The following FRMD4A variants were observed in gnomAD, a reference collection of about 807,000 sequenced individuals.
FRMD4A encodes the protein FERM domain containing 4A.
Under a neutral mutation model 129.1 loss-of-function variants are expected in FRMD4A, and 29 were observed. That is an observed-to-expected ratio of 0.22 (90% CI 0.17 to 0.31). The LOEUF is 0.31. FRMD4A is among the 10% of genes least tolerant of loss of function. The pLI, the probability that FRMD4A is intolerant of heterozygous loss-of-function variation, is 1.00. For missense variants in FRMD4A, 1,272 were observed against 1,375.8 expected (o/e 0.92, Z 1.19); for synonymous variants, 634 against 571.6 (o/e 1.11, Z -1.56).
chr10:14,037,631 A>G (rs1175410531), intron 2 of FRMD4A, among the ~76,000 whole-genome samples: 1 of 149,434 alleles, frequency 6.7e-6, no homozygotes, highest in Admixed American at 6.8e-5. Context: ...CTAGGAGTAG[A>G]ATTGTTGGCT....
intron 2 of FRMD4A, among the ~76,000 whole-genome samples, chr10:14,000,315 A>C (rs1039075856): frequency 2.0e-5 from 3 of 152,150 alleles, no homozygotes; most frequent in African/African-American, 4.8e-5. Context: ...ATGTTAGAGC[A>C]GTTTCTAAGA....
intron 2 of FRMD4A, among the ~76,000 whole-genome samples, chr10:14,305,469 C>T (rs893941696): frequency 1.3e-5 from 2 of 152,136 alleles, no homozygotes; most frequent in Non-Finnish European, 2.9e-5. Context: ...TTGGAATCTA[C>T]AAAGTTCTCA....
chr10:14,004,397 C>A (rs976095949), intron 2 of FRMD4A, among the ~76,000 whole-genome samples: 5 of 152,124 alleles, frequency 3.3e-5, no homozygotes, highest in African/African-American at 1.2e-4. Flanking sequence ...ATAAAATTAT[C>A]CAAGTGTGGT....
intron 2 of FRMD4A, among the ~76,000 whole-genome samples, chr10:13,974,909 G>A (rs1484746227): frequency 6.6e-6 from 1 of 152,260 alleles, no homozygotes; most frequent in Non-Finnish European, 1.5e-5. Context: ...CGTGCAAGTG[G>A]CATGACTGCC....
At chr10:14,237,044 T>C (rs1053100908) in intron 2 of FRMD4A, among the ~76,000 whole-genome samples, 1 of 143,748 alleles carries the variant, frequency 7.0e-6, no homozygotes, top group African/African-American at 2.6e-5. Flanking sequence ...AACATTTTTA[T>C]AATTTTTTGA....
intron 2 of FRMD4A, among the ~76,000 whole-genome samples, chr10:13,881,991 GTGTGTGTGTGTGTGTGTGTGTGT>G (rs543188218): frequency 6.8e-6 from 1 of 146,926 alleles, no homozygotes; most frequent in Non-Finnish European, 1.5e-5. Flanking sequence ...AGAGGCAAGG[GTGTGTGTGTGTGTGTGTGTGTGT>G]GTGTGTGTGT....
At chr10:14,306,451 G>C (rs980206755) in intron 2 of FRMD4A, among the ~76,000 whole-genome samples, 14 of 152,150 alleles carry the variant, frequency 9.2e-5, no homozygotes, top group Non-Finnish European at 1.0e-4. Flanking sequence ...TTATAATACA[G>C]CAAACAGCTG....
At chr10:13,779,788 C>CA (rs33912813) in intron 6 of FRMD4A, among the ~76,000 whole-genome samples, 92,675 of 146,812 alleles carry the variant, frequency 0.63, 29,278 homozygotes, top group Non-Finnish European at 0.69. Flanking sequence ...AATTCACTCT[C>CA]AAAAAAAAAA....
intron 8 of FRMD4A, among the ~76,000 whole-genome samples, chr10:13,753,703 CT>C (rs1419523692): frequency 6.6e-6 from 1 of 151,958 alleles, no homozygotes; most frequent in Non-Finnish European, 1.5e-5. Flanking sequence ...ATCACTGCAC[CT>C]GGTTAATTTT....
chr10:13,981,546 C>A (rs1201399432), intron 2 of FRMD4A, among the ~76,000 whole-genome samples: 1 of 151,924 alleles, frequency 6.6e-6, no homozygotes, highest in Non-Finnish European at 1.5e-5. Flanking sequence ...CAAGACCAGC[C>A]TGGCCAACGT....
chr10:13,756,912 G>A (rs75312017), intron 8 of FRMD4A, among the ~76,000 whole-genome samples: 8,179 of 152,224 alleles, frequency 0.054, 313 homozygotes, highest in Non-Finnish European at 0.085. Context: ...CCTATCAGTC[G>A]ATTAAATGAG....
chr10:13,925,013 G>A (rs1237558492), intron 2 of FRMD4A, among the ~76,000 whole-genome samples: 13 of 140,408 alleles, frequency 9.3e-5, no homozygotes, highest in African/African-American at 2.1e-4. Context: ...GCAGTGAGCC[G>A]AGATTGCACC....
At chr10:14,096,765 G>A (rs529940161) in intron 2 of FRMD4A, among the ~76,000 whole-genome samples, 1 of 152,230 alleles carries the variant, frequency 6.6e-6, no homozygotes, top group African/African-American at 2.4e-5. Context: ...GCAGTGAAAT[G>A]GGAACATTAC....
intron 2 of FRMD4A, among the ~76,000 whole-genome samples, chr10:14,032,413 T>C (rs182620960): frequency 6.6e-6 from 1 of 152,338 alleles, no homozygotes; most frequent in East Asian, 1.9e-4. Context: ...GTATTGCCAT[T>C]AGTGAAGCGC....
At chr10:13,938,686 G>A (rs1043624944) in intron 2 of FRMD4A, among the ~76,000 whole-genome samples, 4 of 152,190 alleles carry the variant, frequency 2.6e-5, no homozygotes, top group African/African-American at 4.8e-5. Flanking sequence ...CCTCCACTAG[G>A]GGTGATTTTG....
intron 2 of FRMD4A, among the ~76,000 whole-genome samples, chr10:13,978,563 T>C (rs183131592): frequency 2.6e-5 from 4 of 152,132 alleles, no homozygotes; most frequent in African/African-American, 9.7e-5. Flanking sequence ...GTGGGTGATA[T>C]GCAAAACCCA....
intron 2 of FRMD4A, among the ~76,000 whole-genome samples, chr10:14,243,870 T>C (rs1346324319): frequency 6.7e-6 from 1 of 148,630 alleles, no homozygotes; most frequent in Non-Finnish European, 1.5e-5. Flanking sequence ...AGGACTGCAA[T>C]CTAATTACAT....
At chr10:14,090,557 G>C (rs1398062200) in intron 2 of FRMD4A, among the ~76,000 whole-genome samples, 1 of 152,218 alleles carries the variant, frequency 6.6e-6, no homozygotes, top group Non-Finnish European at 1.5e-5. Context: ...GTTAGAGCCA[G>C]GCAGCATCCC....
intron 2 of FRMD4A, among the ~76,000 whole-genome samples, chr10:13,998,702 A>T (rs999503559): frequency 6.6e-6 from 1 of 152,154 alleles, no homozygotes; most frequent in African/African-American, 2.4e-5. Flanking sequence ...TCTGTCAGGA[A>T]ATCCTGCCAG....
Sources: gnomAD v4.1 joint callset for allele counts (sites outside exome capture counted in the v4.1 genomes callset) on GRCh38, gnomAD v4.1.1 for gene constraint, MANE v1.5 for transcripts, NCBI Gene and HGNC (gene_info 2026-07-23, HGNC 2026-07-21) for gene names.